The following ANAPC10 variants were observed in gnomAD, a reference collection of about 807,000 sequenced individuals.
The protein encoded by ANAPC10 is anaphase-promoting complex subunit 10.
Under a neutral mutation model 22.0 loss-of-function variants are expected in ANAPC10, and 12 were observed. The observed-to-expected ratio is 0.55, with a 90% confidence interval of 0.35 to 0.88. The LOEUF is 0.88. Among genes scored for constraint, ANAPC10 ranks in the 40% least tolerant of loss-of-function variants. The probability of loss-of-function intolerance (pLI) is 0.01; values close to 1 mark genes in which losing one functional copy is unlikely to be tolerated. For missense variants in ANAPC10, 188 were observed against 220.9 expected, an observed-to-expected ratio of 0.85 and a Z score of 0.94; for synonymous variants, 65 against 69.5, an observed-to-expected ratio of 0.94 and a Z score of 0.32.
At position 144,997,262 on chromosome 4, in the gene ANAPC10, G is replaced by C. The variant is rs1379334867; in HGVS notation, c.328-1659C>G. Among the ~76,000 whole-genome samples the C allele has an allele frequency of 2.0e-5, 3 of 152,094 alleles. No individual in the cohort carries two copies. The East Asian group carries it at 5.8e-4, about 29-fold the overall frequency. ...ACACCACAAAGATACTCCTCGAGAA[G>C]AGCAACACCAAGATACATACTTGTC... On this transcript the variant is annotated intron_variant, in intron 4 of 4. Coordinates refer to ENST00000507656, the MANE Select transcript of ANAPC10 (RefSeq NM_001256706.2).
intron 4 of ANAPC10, among the ~76,000 whole-genome samples, chr4:145,021,724 G>A (rs1222135424): frequency 1.3e-5 from 2 of 152,096 alleles, no homozygotes; most frequent in Non-Finnish European, 2.9e-5. Context: ...GGAACAGTCA[G>A]CAGAGTAAAC....
Position 145,013,527 on chromosome 4 carries a change from T to G in ANAPC10, c.328-17924A>C, listed in dbSNP as rs578237267. Among the ~76,000 whole-genome samples the G allele has an allele frequency of 3.4e-4, 52 of 152,260 alleles. 1 individual carries two copies. In the South Asian group the frequency reaches 9.7e-3, roughly 29 times the overall value. ...CAAATTGGAAACAGAATGCAATCAT[T>G]AATAAAAAACAGCATCTTTTCATAT... On this transcript the variant is annotated intron_variant, in intron 4 of 4. Coordinates refer to ENST00000507656, the MANE Select transcript of ANAPC10 (RefSeq NM_001256706.2).
intron 4 of ANAPC10, among the ~76,000 whole-genome samples, chr4:145,061,284 C>T (rs983895091): frequency 6.6e-6 from 1 of 152,098 alleles, no homozygotes; most frequent in Non-Finnish European, 1.5e-5. Flanking sequence ...GTCCAAATAT[C>T]GCTTAAAGTT....
chr4:145,000,345 TAAAC>T (rs1732330854), intron 4 of ANAPC10, among the ~76,000 whole-genome samples: 1 of 151,552 alleles, frequency 6.6e-6, no homozygotes, highest in African/African-American at 2.4e-5. Flanking sequence ...AAAAAGAACT[TAAAC>T]AAATTTACAA....
chr4:145,076,004 G>C (rs958131516), intron 3 of ANAPC10, among the ~76,000 whole-genome samples: 6 of 152,116 alleles, frequency 3.9e-5, no homozygotes, highest in African/African-American at 1.4e-4. Context: ...TCTCTCCCAG[G>C]GTCCCTGCTT....
chr4:145,087,551 T>C (rs1336363401), intron 2 of ANAPC10, among the ~76,000 whole-genome samples: 4 of 151,144 alleles, frequency 2.6e-5, no homozygotes, highest in South Asian at 4.2e-4. Context: ...ATCCATATCA[T>C]GCACTAGACC....
chr4:145,059,006 C>T (rs149996050), intron 4 of ANAPC10, among the ~76,000 whole-genome samples: 7 of 152,198 alleles, frequency 4.6e-5, no homozygotes, highest in African/African-American at 1.7e-4. Context: ...TTTAAACTAG[C>T]TAAATTCAAC....
At chr4:145,097,740 A>C in intron 1 of ANAPC10, 1 of 358,604 alleles carries the variant, frequency 2.8e-6, no homozygotes, top group Non-Finnish European at 5.5e-6. Flanking sequence ...AACCATCATT[A>C]CTAACTGAAT....
chr4:145,073,551 A>T (rs888509231), intron 3 of ANAPC10, among the ~76,000 whole-genome samples: 3 of 152,138 alleles, frequency 2.0e-5, no homozygotes, highest in Admixed American at 2.0e-4. Flanking sequence ...TAAAGTATAT[A>T]TAGGATTTTA....
At chr4:145,079,195 C>G (rs1745602351) in intron 3 of ANAPC10, among the ~76,000 whole-genome samples, 1 of 151,962 alleles carries the variant, frequency 6.6e-6, no homozygotes, top group Non-Finnish European at 1.5e-5. Flanking sequence ...AAAAAAGCAA[C>G]TCTATTAAAA....
At chr4:145,001,328 T>C (rs556124336) in intron 4 of ANAPC10, among the ~76,000 whole-genome samples, 36 of 152,092 alleles carry the variant, frequency 2.4e-4, no homozygotes, top group African/African-American at 8.2e-4. Context: ...TGGATGAACC[T>C]TGAGGACATT....
At chr4:145,036,763 A>G (rs1738606292) in intron 4 of ANAPC10, among the ~76,000 whole-genome samples, 1 of 152,224 alleles carries the variant, frequency 6.6e-6, no homozygotes, top group Non-Finnish European at 1.5e-5. Flanking sequence ...TAAGTTAGCA[A>G]AACAAAAAAA....
chr4:145,034,452 G>A (rs1037592383), intron 4 of ANAPC10, among the ~76,000 whole-genome samples: 2 of 149,754 alleles, frequency 1.3e-5, no homozygotes, highest in Non-Finnish European at 3.0e-5. Context: ...GGCTCTCCTT[G>A]CTCCTCAGCT....
intron 4 of ANAPC10, among the ~76,000 whole-genome samples, chr4:145,030,267 G>C (rs1431076525): frequency 1.3e-5 from 2 of 152,202 alleles, no homozygotes; most frequent in African/African-American, 4.8e-5. Context: ...TCAATTTCCA[G>C]ACTTGAGCCA....
intron 4 of ANAPC10, among the ~76,000 whole-genome samples, chr4:144,998,762 A>T (rs1172162831): frequency 6.6e-6 from 1 of 152,170 alleles, no homozygotes; most frequent in Non-Finnish European, 1.5e-5. Context: ...AAAAATAACT[A>T]AGATCAGAGC....
intron 4 of ANAPC10, among the ~76,000 whole-genome samples, chr4:145,010,716 C>T (rs751958778): frequency 1.8e-4 from 28 of 152,012 alleles, no homozygotes; most frequent in Non-Finnish European, 3.8e-4. Context: ...GGAGATATAC[C>T]TAATGTAAAT....
chr4:145,097,768 A>C (rs1336780344), intron 1 of ANAPC10: 2 of 347,464 alleles, frequency 5.8e-6, no homozygotes, highest in Non-Finnish European at 1.1e-5. Flanking sequence ...TACCTAAAAA[A>C]AGATAGAAAT....
At chr4:145,026,957 GTA>G (rs1578954678) in intron 4 of ANAPC10, among the ~76,000 whole-genome samples, 294 of 18,322 alleles carry the variant, frequency 0.016, 13 homozygotes, top group Non-Finnish European at 0.018. Context: ...GTGTGTGTGT[GTA>G]TATATATATA....
At chr4:145,086,919 T>G (rs1309386150) in intron 2 of ANAPC10, among the ~76,000 whole-genome samples, 1 of 151,982 alleles carries the variant, frequency 6.6e-6, no homozygotes, top group Admixed American at 6.6e-5. Flanking sequence ...TTGGTAAATA[T>G]TCATGCTTCT....
Sources: allele counts gnomAD v4.1 joint callset (sites outside exome capture counted in the v4.1 genomes callset), GRCh38; gene constraint gnomAD v4.1.1; transcripts MANE v1.5; gene names NCBI Gene and HGNC (gene_info 2026-07-23, HGNC 2026-07-21).